ATM: variants seen among roughly 807,000 people sequenced by gnomAD.
ATM encodes the protein ATM serine/threonine kinase.
ATM carries 308 observed loss-of-function variants against 387.0 expected under a neutral mutation model. The observed-to-expected ratio is 0.80, with a 90% CI of 0.73 to 0.87. ATM has a LOEUF of 0.87. ATM is among the 40% of genes least tolerant of loss of function. The pLI, the probability that ATM is intolerant of heterozygous loss-of-function variation, is 0.00. For synonymous variants in ATM, 1,156 were observed against 1,187.3 expected (o/e 0.97, Z 0.54); for missense variants, 3,312 against 3,560.9 (o/e 0.93, Z 1.78).
rs748380150 is a variant in ATM, at chr11:108,253,913, G to A, written c.1998G>A (p.Val666=). Residue 666 remains valine (V), a synonymous_variant, in exon 13 of 63, where the codon GTG becomes GTA. Coordinates refer to ENST00000675843, the MANE Select transcript of ATM (RefSeq NM_000051.4). ...ACAAGATGGACTTTTTAACCATTGT[G>A]AGAGAATGTGGTATAGAAAAGCACC... ...TFDKMDFLTI[V]RECGIEKHQS... is the part of the protein sequence containing the mutation. 23 of 1,614,078 alleles carry A rather than the reference G, an allele frequency of 1.4e-5. No homozygotes were observed. The highest frequency in any genetic ancestry group is 1.9e-5 in the Non-Finnish European group (23 of 1,179,964).
intron 60 of ATM, 33 bp downstream of exon 60, chr11:108,353,913 T>G: frequency 6.3e-7 from 1 of 1,576,920 alleles, no homozygotes; most frequent in Non-Finnish European, 8.7e-7. Flanking sequence ...GGGAAATAAT[T>G]TTTGATGTCA....
At chr11:108,266,221 C>G (rs2081227877) in intron 16 of ATM, among the ~76,000 whole-genome samples, 1 of 150,338 alleles carries the variant, frequency 6.7e-6, no homozygotes, top group African/African-American at 2.4e-5. Context: ...ATAGCAAAGA[C>G]TTGGAACCAA....
Position 108,304,836 on chromosome 11 carries a change from T to A in ATM, c.5658T>A (p.Pro1886=), listed in dbSNP as rs940182945. 6.2e-7 allele frequency: 1 copy of A among 1,614,034 alleles called. No homozygotes were observed. The highest frequency in any genetic ancestry group is 8.5e-7 in the Non-Finnish European group (1 of 1,179,992). ...HFSQTSRSTT[P]ANLDSESEHF... is the part of the protein sequence containing the mutation. The stretch of plus-strand genomic sequence containing the variant: ...CGCAAACGAGCCGATCCACAACCCC[T>A]GCAAACTTGGATTCAGGTATTCTAT... Residue 1886 remains proline (P), a synonymous_variant, in exon 37 of 63, where the codon CCT becomes CCA. Coordinates refer to ENST00000675843, the MANE Select transcript of ATM (RefSeq NM_000051.4).
intron 7 of ATM, 85 bp downstream of exon 7, chr11:108,245,111 G>T: frequency 9.3e-7 from 1 of 1,076,380 alleles, no homozygotes; most frequent in Non-Finnish European, 1.4e-6. Flanking sequence ...TCTTTAGGAG[G>T]ATATGACTTT....
rs1300590185 is a variant in ATM at position 108,365,725 on chromosome 11, T to C, written c.*217T>C. On this transcript the variant is annotated 3_prime_UTR_variant, in exon 63 of 63. Transcript: ENST00000675843. ...TGCTTTCACTCTTTAGAAATAATGGTCATTCGGGCTGGGCGCAGCGGCTCA... is the reference window on the plus strand; with the variant it reads ...TGCTTTCACTCTTTAGAAATAATGGCCATTCGGGCTGGGCGCAGCGGCTCA... 1.2e-5 allele frequency: 8 copies of C among 647,862 alleles called. No individual in the cohort carries two copies. In the East Asian group the frequency reaches 2.4e-4, roughly 19 times the overall value. The allele number at this position is 647,862 out of a possible 1,614,324, so 40.1% of individuals were successfully genotyped here.
At chr11:108,232,139 T>G (rs1335907238) in intron 4 of ATM, among the ~76,000 whole-genome samples, 1 of 152,226 alleles carries the variant, frequency 6.6e-6, no homozygotes, top group African/African-American at 2.4e-5. Context: ...ACAATGGAGA[T>G]TACGTTTGAA....
intron 61 of ATM, among the ~76,000 whole-genome samples, chr11:108,361,770 T>C (rs571805027): frequency 1.2e-3 from 181 of 152,256 alleles, no homozygotes; most frequent in Non-Finnish European, 1.8e-3. Flanking sequence ...ACTGGATCCC[T>C]TCCTTACACC....
At chr11:108,245,076 AG>A in intron 7 of ATM, 50 bp downstream of exon 7, 1 of 1,404,842 alleles carries the variant, frequency 7.1e-7, no homozygotes, top group Non-Finnish European at 9.9e-7. Context: ...ATTCAAACAT[AG>A]AAGTCTAAGT....
At chr11:108,246,360 G>T (rs1435362742) in intron 7 of ATM, among the ~76,000 whole-genome samples, 2 of 152,132 alleles carry the variant, frequency 1.3e-5, no homozygotes, top group Non-Finnish European at 2.9e-5. Flanking sequence ...TTTAAAATTG[G>T]CAGGATGATG....
Position 108,292,710 on chromosome 11 carries a change from A to G in ATM, c.4528A>G (p.Lys1510Glu). ...TTGCCAGACAGCCGTGACTTACTGT[A>G]AGGATGCTCTAGAAAACCATCTTCA... ...QVCQTAVTYC[K>E]DALENHLHVI... Residue 1510 changes from lysine (K) to glutamate (E), a missense_variant, in exon 30 of 63, where the codon AAG becomes GAG. By Grantham distance (56) the Lys-to-Glu change is moderately conservative. This residue lies in a region of ATM where 1,791 missense variants were observed against 1,804.5 expected (regional missense o/e 0.99). Transcript: ENST00000675843. The G allele has an allele frequency of 6.2e-7, 1 of 1,613,964 alleles. No individual in the cohort carries two copies. The highest frequency in any genetic ancestry group is 8.5e-7 in the Non-Finnish European group (1 of 1,179,958).
rs555394689 is a variant in ATM at position 108,313,659 on chromosome 11, C to T, written c.6006+1161C>T. 3.3e-5 allele frequency among the ~76,000 whole-genome samples: 5 copies of T among 152,254 alleles called. No homozygotes were observed. The South Asian group carries it at 6.2e-4, about 19-fold the overall frequency. ...CCTCTCTACTGAGTTTTTGGAATATCGTGTGTGTACTAAGCACTGTGCTAA... is the reference window on the plus strand; with the variant it reads ...CCTCTCTACTGAGTTTTTGGAATATTGTGTGTGTACTAAGCACTGTGCTAA... On this transcript the variant is annotated intron_variant, in intron 40 of 62. Transcript: ENST00000675843.
chr11:108,331,642 TCTA>T, intron 51 of ATM, 85 bp downstream of exon 51: 1 of 1,422,118 alleles, frequency 7.0e-7, no homozygotes, highest in South Asian at 1.4e-5. Context: ...TACCATTCCC[TCTA>T]AGAAATGGAA....
chr11:108,366,422 A>C lies in ATM; in HGVS notation c.*914A>C, dbSNP rs754488337. ...TTTTTTTAATGTTTTTTATGTCACTAATTATTTTAAATGTCTGTACTTGAT... is the reference window on the plus strand; with the variant it reads ...TTTTTTTAATGTTTTTTATGTCACTCATTATTTTAAATGTCTGTACTTGAT... On this transcript the variant is annotated 3_prime_UTR_variant, in exon 63 of 63. Coordinates refer to ENST00000675843, the MANE Select transcript of ATM (RefSeq NM_000051.4). 1.8e-4 allele frequency: 39 copies of C among 219,458 alleles called. No homozygotes were observed. The highest frequency in any genetic ancestry group is 3.3e-4 in the Non-Finnish European group (36 of 109,684). 13.6% of individuals were successfully genotyped at this position (219,458 alleles called of 1,614,324 possible).
intron 32 of ATM, chr11:108,295,734 GCAACCTCCAC>G (rs1455805848): frequency 6.6e-6 from 1 of 152,094 alleles, no homozygotes; most frequent in Non-Finnish European, 1.5e-5. Flanking sequence ...TTAGCTCACT[GCAACCTCCAC>G]CTCCTGAGCT....
At chr11:108,236,946 C>T (rs1046020389) in intron 5 of ATM, among the ~76,000 whole-genome samples, 5 of 151,680 alleles carry the variant, frequency 3.3e-5, no homozygotes, top group Non-Finnish European at 7.4e-5. Context: ...TCAAAGTCTT[C>T]TAATACACGA....
chr11:108,368,729 G>C lies in ATM; in HGVS notation c.*3221G>C, dbSNP rs2091456470. Reference sequence around the variant, plus strand: ...TGTGTCCAGATTAAGGGAGATAATAGCTTTCCCACCCTACTTTGTGCAGGT... The same window carrying C: ...TGTGTCCAGATTAAGGGAGATAATACCTTTCCCACCCTACTTTGTGCAGGT... On this transcript the variant is annotated 3_prime_UTR_variant, in exon 63 of 63. Transcript: ENST00000675843. The C allele has an allele frequency of 4.7e-6, 1 of 214,426 alleles. No homozygotes were observed. The highest frequency in any genetic ancestry group is 9.4e-6 in the Non-Finnish European group (1 of 106,264). 13.3% of individuals were successfully genotyped at this position (214,426 alleles called of 1,614,324 possible).
intron 32 of ATM, among the ~76,000 whole-genome samples, chr11:108,296,475 C>T (rs2083127827): frequency 6.6e-6 from 1 of 152,126 alleles, no homozygotes; most frequent in South Asian, 2.1e-4. Context: ...TGGTCTTGAA[C>T]TCCTGACCTC....
rs876659911 is a variant in ATM at position 108,253,844 on chromosome 11, T to A, written c.1929T>A (p.Leu643=). 2.5e-6 allele frequency: 4 copies of A among 1,613,808 alleles called. No homozygotes were observed. Among genetic ancestry groups the A allele is most frequent in the Non-Finnish European group, 1.7e-6 (2 of 1,179,886 alleles). The change falls in exon 13 of 63, where the codon CTT becomes CTA. Residue 643 remains leucine, a synonymous_variant. Coordinates refer to ENST00000675843, the MANE Select transcript of ATM (RefSeq NM_000051.4). ...CEHHQKDKEE[L]SFSEVEELFL... is the part of the protein sequence containing the mutation. ...ACCACCAAAAAGATAAAGAAGAACT[T>A]TCATTCTCAGAAGTAGAAGAACTAT...
At chr11:108,348,394 G>A (rs564553371) in intron 59 of ATM, among the ~76,000 whole-genome samples, 7 of 141,910 alleles carry the variant, frequency 4.9e-5, no homozygotes, top group Admixed American at 2.8e-4. Flanking sequence ...GAAAGAATAT[G>A]TAGCTTCTAT....
Sources: allele counts gnomAD v4.1 joint callset (sites outside exome capture counted in the v4.1 genomes callset), GRCh38; gene constraint gnomAD v4.1.1; regional missense constraint gnomAD v4.1.1; transcripts MANE v1.5; gene names NCBI Gene and HGNC (gene_info 2026-07-23, HGNC 2026-07-21).